TUBB3: variants seen among roughly 807,000 people sequenced by gnomAD.
The protein encoded by TUBB3 is tubulin beta-3 chain.
In TUBB3, 17 loss-of-function variants were observed where a neutral mutation model predicts 37.8. The ratio of observed to expected loss-of-function variants is 0.45; its 90% CI spans 0.31 to 0.67. TUBB3 has a LOEUF of 0.67. Ranked by LOEUF, TUBB3 falls within the 30% of genes least tolerant of loss-of-function variation. TUBB3 has a pLI of 0.07. For missense variants in TUBB3, 262 were observed against 657.9 expected (o/e 0.40, Z 6.58); for synonymous variants, 332 against 278.9 (o/e 1.19, Z -1.90).
intron 1 of TUBB3, among the ~76,000 whole-genome samples, chr16:89,930,302 A>C (rs1176260081): frequency 1.4e-5 from 2 of 147,588 alleles, no homozygotes; most frequent in African/African-American, 5.0e-5. Context: ...ATGGAGTTTC[A>C]CTATGTTGGC....
intron 2 of TUBB3, chr16:89,933,082 AC>A (rs150764400): frequency 0.015 from 7,289 of 479,484 alleles, 425 homozygotes; most frequent in African/African-American, 0.13. Flanking sequence ...GCCCACATGG[AC>A]ATGTGATTTA....
chr16:89,931,370 A>C (rs940089117), intron 1 of TUBB3, among the ~76,000 whole-genome samples: 1 of 152,228 alleles, frequency 6.6e-6, no homozygotes, highest in Non-Finnish European at 1.5e-5. Flanking sequence ...CTCATCTAAA[A>C]GTCACTCCTG....
At chr16:89,933,324 C>T in intron 2 of TUBB3, 144 bp from the exon 3 acceptor site, 3 of 798,844 alleles carry the variant, frequency 3.8e-6, no homozygotes, top group Non-Finnish European at 6.8e-6. Context: ...CTGAAGCTTG[C>T]CTTTGGTCCA....
intron 1 of TUBB3, among the ~76,000 whole-genome samples, chr16:89,926,786 C>G (rs193281566): frequency 6.6e-5 from 10 of 152,126 alleles, no homozygotes; most frequent in African/African-American, 2.4e-4. Context: ...GGCGCGATCT[C>G]GGCTCATTGC....
At chr16:89,927,951 C>T (rs1038346873) in intron 1 of TUBB3, among the ~76,000 whole-genome samples, 2 of 152,198 alleles carry the variant, frequency 1.3e-5, no homozygotes, top group African/African-American at 2.4e-5. Flanking sequence ...GGAGCAAGGT[C>T]CCCGACTCAA....
At chr16:89,932,165 G>C (rs534965624) in intron 1 of TUBB3, 10 of 326,158 alleles carry the variant, frequency 3.1e-5, no homozygotes, top group South Asian at 2.6e-4. Context: ...GCTACTGTGG[G>C]TGTCTCTACC....
chr16:89,928,820 G>A (rs1054228258), intron 1 of TUBB3, among the ~76,000 whole-genome samples: 7 of 149,880 alleles, frequency 4.7e-5, no homozygotes, highest in Admixed American at 6.6e-5. Flanking sequence ...GAGCCACTGC[G>A]TCTGGCCTAA....
intron 1 of TUBB3, chr16:89,931,702 A>G (rs2030284544): frequency 4.9e-6 from 1 of 203,370 alleles, no homozygotes; most frequent in Admixed American, 4.7e-5. Context: ...GAGACACGGA[A>G]TCCTAGTGAC....
In TUBB3 at chr16:89,933,437, C is replaced by A. The variant is rs764490189; in HGVS notation, c.167-31C>A. 3.2e-6 allele frequency: 5 copies of A among 1,554,332 alleles called. No individual in the cohort carries two copies. The East Asian group carries it at 6.7e-5, about 21-fold the overall frequency. On this transcript the variant is annotated intron_variant, in intron 2 of 3. Transcript: ENST00000315491. ...AGGGAGAGGCTCTGGCCCTCTGTGA[C>A]CCGAATCACCGAGCCCCTCTCTCCC...
chr16:89,929,383 A>T (rs1158228009), intron 1 of TUBB3, among the ~76,000 whole-genome samples: 1 of 152,092 alleles, frequency 6.6e-6, no homozygotes, highest in Non-Finnish European at 1.5e-5. Context: ...ACCTCTGATA[A>T]CAGTCTCAGG....
chr16:89,927,715 C>T (rs912455110), intron 1 of TUBB3, among the ~76,000 whole-genome samples: 2 of 152,246 alleles, frequency 1.3e-5, no homozygotes, highest in African/African-American at 2.4e-5. Context: ...ACCATTCACA[C>T]GTTCATCTCA....
chr16:89,932,269 G>A (rs920329437), intron 1 of TUBB3, among the ~76,000 whole-genome samples: 5 of 152,232 alleles, frequency 3.3e-5, no homozygotes, highest in African/African-American at 9.6e-5. Context: ...GGAGGAATCC[G>A]CTGCTCCAGG....
At chr16:89,934,642 C>A in intron 3 of TUBB3, 87 bp from the exon 4 acceptor site, 1 of 1,352,080 alleles carries the variant, frequency 7.4e-7, no homozygotes, top group Non-Finnish European at 1.0e-6. Context: ...GCTGCCACGG[C>A]TGCCCTTGGG....
intron 1 of TUBB3, among the ~76,000 whole-genome samples, chr16:89,924,407 T>C (rs947343835): frequency 6.6e-6 from 1 of 150,746 alleles, no homozygotes; most frequent in Non-Finnish European, 1.5e-5. Flanking sequence ...GCGGGGCGGG[T>C]TGGGGGCGCT....
upstream of TUBB3, among the ~76,000 whole-genome samples, chr16:89,922,931 T>C (rs2029931487): frequency 6.6e-6 from 1 of 152,200 alleles, no homozygotes; most frequent in Non-Finnish European, 1.5e-5. Context: ...GCTGGGATGG[T>C]GCGGGTTGGT....
intron 1 of TUBB3, chr16:89,932,143 C>CCTG: frequency 1.3e-5 from 4 of 318,092 alleles, no homozygotes; most frequent in South Asian, 1.1e-4. Context: ...GCCTCTGAAC[C>CCTG]CTGCTCTGCC....
intron 1 of TUBB3, among the ~76,000 whole-genome samples, chr16:89,926,249 G>A (rs1278316634): frequency 6.6e-6 from 1 of 152,094 alleles, no homozygotes; most frequent in Non-Finnish European, 1.5e-5. Flanking sequence ...CCGCCTCCTC[G>A]CGGCTGCGGG....
intron 2 of TUBB3, 99 bp downstream of exon 2, chr16:89,932,778 C>A: frequency 2.1e-6 from 2 of 960,762 alleles, no homozygotes; most frequent in South Asian, 2.7e-5. Flanking sequence ...CAGCTCTCAG[C>A]ATCTCTGTCC....
chr16:89,933,354 C>A, intron 2 of TUBB3, 114 bp from the exon 3 acceptor site: 1 of 911,954 alleles, frequency 1.1e-6, no homozygotes, highest in Non-Finnish European at 1.8e-6. Context: ...CTTCAGAGTA[C>A]AGGCTCTTAG....
Sources: allele counts gnomAD v4.1 joint callset (sites outside exome capture counted in the v4.1 genomes callset), GRCh38; gene constraint gnomAD v4.1.1; transcripts MANE v1.5; gene names NCBI Gene and HGNC (gene_info 2026-07-23, HGNC 2026-07-21).